Variants in CORO1C observed in about 807,000 individuals in gnomAD.
CORO1C encodes coronin 1C, also known as coronin-1C.
Under a neutral mutation model 51.2 loss-of-function variants are expected in CORO1C, and 14 were observed. The ratio of observed to expected loss-of-function variants is 0.27; its 90% CI spans 0.18 to 0.43. CORO1C has a LOEUF of 0.43. Ranked by LOEUF, CORO1C falls within the 20% of genes least tolerant of loss-of-function variation. CORO1C has a pLI of 1.00. For missense variants in CORO1C, 417 were observed against 607.8 expected (o/e 0.69, Z 3.30); for synonymous variants, 181 against 210.5 (o/e 0.86, Z 1.21).
chr12:108,660,413 T>C (rs2033206404), intron 4 of CORO1C, among the ~76,000 whole-genome samples: 1 of 134,052 alleles, frequency 7.5e-6, no homozygotes, highest in Non-Finnish European at 1.5e-5. Flanking sequence ...ATCATGCCAT[T>C]GCACTCCAGC....
chr12:108,650,387 C>T (rs750405698), intron 8 of CORO1C, among the ~76,000 whole-genome samples: 2 of 152,032 alleles, frequency 1.3e-5, no homozygotes, highest in African/African-American at 2.4e-5. Context: ...ACTAGATTGT[C>T]CATACTGCTC....
At chr12:108,659,418 T>C (rs2033163080) in intron 4 of CORO1C, among the ~76,000 whole-genome samples, 1 of 152,224 alleles carries the variant, frequency 6.6e-6, no homozygotes, top group South Asian at 2.1e-4. Flanking sequence ...AGTACATGTA[T>C]ACTATAGAGA....
intron 10 of CORO1C, 76 bp downstream of exon 10, chr12:108,648,529 C>T (rs2032483719): frequency 1.6e-5 from 25 of 1,588,488 alleles, no homozygotes; most frequent in Middle Eastern, 2.1e-4. Context: ...TACTCGCCGA[C>T]GCCCTGGACC....
At chr12:108,676,121 G>A (rs2033900970) in intron 3 of CORO1C, among the ~76,000 whole-genome samples, 1 of 152,196 alleles carries the variant, frequency 6.6e-6, no homozygotes, top group Non-Finnish European at 1.5e-5. Flanking sequence ...GTATACACCT[G>A]AGTGATTACC....
chr12:108,653,768 A>T (rs1271694607), intron 7 of CORO1C, among the ~76,000 whole-genome samples: 1 of 152,178 alleles, frequency 6.6e-6, no homozygotes, highest in Non-Finnish European at 1.5e-5. Flanking sequence ...CTAGCACTGA[A>T]CCCCAGGAAC....
chr12:108,678,367 T>C lies in CORO1C; in HGVS notation c.223A>G (p.Thr75Ala), dbSNP rs117058530. 6.3e-6 allele frequency: 10 copies of C among 1,596,596 alleles called. No individual in the cohort carries two copies. The East Asian group carries it at 2.3e-4, about 36-fold the overall frequency. Residue 75 changes from threonine (T) to alanine (A), a missense_variant, in exon 3 of 11, where the codon ACA becomes GCA. Thr to Ala is a moderately conservative substitution (Grantham distance 58). Transcript: ENST00000261401. ...ACTGGTCCTGTGTGGCCACATACTG[T>C]AGGGTAAGATTTGTCAATTCGACCA... ...KTGRIDKSYP[T>A]VCGHTGPVLD...
At chr12:108,716,799 C>T (rs1434732818) in intron 1 of CORO1C, among the ~76,000 whole-genome samples, 1 of 152,234 alleles carries the variant, frequency 6.6e-6, no homozygotes, top group Admixed American at 6.5e-5. Context: ...AACCACATTA[C>T]TTACTAACAT....
chr12:108,690,299 T>C (rs2034452059), intron 2 of CORO1C, among the ~76,000 whole-genome samples: 1 of 152,098 alleles, frequency 6.6e-6, no homozygotes, highest in South Asian at 2.1e-4. Flanking sequence ...GGAGGTGCTC[T>C]GGAATAAACC....
intron 10 of CORO1C, among the ~76,000 whole-genome samples, 172 bp downstream of exon 10, chr12:108,648,433 T>G (rs977248670): frequency 2.0e-5 from 3 of 152,098 alleles, no homozygotes; most frequent in East Asian, 1.9e-4. Flanking sequence ...AGGCAAGTGT[T>G]GCCACAAACC....
At chr12:108,730,539 A>T (rs527326863) in intron 1 of CORO1C, 1 of 152,238 alleles carries the variant, frequency 6.6e-6, no homozygotes, top group Admixed American at 6.5e-5. Context: ...ATCCTCAGTC[A>T]TTTCGGCGCA....
chr12:108,665,208 T>C lies in CORO1C; in HGVS notation c.319-3050A>G, dbSNP rs921574486. ...ACTTAACCTTTTCCTTTCTCTAGCT[T>C]CTCCCCATCATCTTTTCCTGGATTA... On this transcript the variant is annotated intron_variant, in intron 3 of 10. Transcript: ENST00000261401. Among the ~76,000 whole-genome samples, 5 of 152,262 alleles carry C rather than the reference T, an allele frequency of 3.3e-5. No homozygotes were observed. In the East Asian group the frequency reaches 9.6e-4, roughly 29 times the overall value.
chr12:108,647,626 G>A (rs548307242), intron 10 of CORO1C, 104 bp from the exon 11 acceptor site: 22 of 778,254 alleles, frequency 2.8e-5, no homozygotes, highest in African/African-American at 2.5e-4. Context: ...TTTTGCAAAC[G>A]GCAAGCCATA....
chr12:108,666,294 A>G (rs1289989203), intron 3 of CORO1C, among the ~76,000 whole-genome samples: 1 of 152,246 alleles, frequency 6.6e-6, no homozygotes, highest in African/African-American at 2.4e-5. Flanking sequence ...AGCTAATACT[A>G]TAAGCACAAG....
intron 2 of CORO1C, among the ~76,000 whole-genome samples, chr12:108,684,685 T>G (rs779126535): frequency 7.9e-5 from 12 of 152,180 alleles, no homozygotes; most frequent in Admixed American, 3.9e-4. Context: ...TACCTGTATC[T>G]GTTATGCTTT....
chr12:108,704,653 G>A (rs931791718), intron 1 of CORO1C, among the ~76,000 whole-genome samples: 15 of 152,318 alleles, frequency 9.8e-5, no homozygotes, highest in Non-Finnish European at 1.9e-4. Context: ...TCTCTAAGCG[G>A]AGCTTGAAGG....
At chr12:108,704,171 C>CCTTTTAACTTT (rs2034960727) in intron 1 of CORO1C, among the ~76,000 whole-genome samples, 1 of 152,148 alleles carries the variant, frequency 6.6e-6, no homozygotes, top group Non-Finnish European at 1.5e-5. Context: ...GACATACATA[C>CCTTTTAACTTT]TAAACTACCT....
chr12:108,723,878 C>T (rs959003881), intron 1 of CORO1C, among the ~76,000 whole-genome samples: 13 of 152,282 alleles, frequency 8.5e-5, no homozygotes, highest in African/African-American at 2.4e-4. Flanking sequence ...TGCAAGGGCA[C>T]CTTTGCAATA....
At chr12:108,657,172 T>G (rs2033063612) in intron 6 of CORO1C, 132 bp downstream of exon 6, 3 of 1,226,048 alleles carry the variant, frequency 2.4e-6, no homozygotes, top group Non-Finnish European at 3.3e-6. Context: ...GAACTTCACA[T>G]CCAATCTAAG....
intron 6 of CORO1C, among the ~76,000 whole-genome samples, chr12:108,655,558 T>C (rs1477285738): frequency 1.3e-5 from 2 of 152,230 alleles, no homozygotes; most frequent in African/African-American, 4.8e-5. Context: ...TTTCGTATTT[T>C]TTTGGTGGAG....
Sources: gnomAD v4.1 joint callset for allele counts (sites outside exome capture counted in the v4.1 genomes callset) on GRCh38, gnomAD v4.1.1 for gene constraint, MANE v1.5 for transcripts, NCBI Gene and HGNC (gene_info 2026-07-23, HGNC 2026-07-21) for gene names.